Variants in GOT1 observed in about 807,000 individuals in gnomAD.
The protein encoded by GOT1 is aspartate aminotransferase, cytoplasmic.
A neutral mutation model predicts 48.2 loss-of-function variants in GOT1; 25 were observed. That is an observed-to-expected ratio of 0.52 (90% CI 0.38 to 0.72). The LOEUF is 0.72. GOT1 is among the 30% of genes least tolerant of loss of function. The pLI is 0.00. For synonymous variants in GOT1, 188 were observed against 193.8 expected, an observed-to-expected ratio of 0.97 and a Z score of 0.25; for missense variants, 380 against 520.1, an observed-to-expected ratio of 0.73 and a Z score of 2.62.
chr10:99,422,421 G>C (rs2032982517), intron 1 of GOT1, among the ~76,000 whole-genome samples: 1 of 152,134 alleles, frequency 6.6e-6, no homozygotes, highest in African/African-American at 2.4e-5. Flanking sequence ...CAGAGACAAG[G>C]AGTATGAAAA....
chr10:99,398,955 A>G (rs2032634559), intron 8 of GOT1, among the ~76,000 whole-genome samples: 1 of 152,188 alleles, frequency 6.6e-6, no homozygotes, highest in African/African-American at 2.4e-5. Flanking sequence ...TGGGCTGTAC[A>G]CTGCCCCCGT....
intron 1 of GOT1, among the ~76,000 whole-genome samples, chr10:99,421,638 A>G (rs1468458084): frequency 6.6e-6 from 1 of 152,086 alleles, no homozygotes; most frequent in Non-Finnish European, 1.5e-5. Context: ...TCCCTACACT[A>G]TTCTATGATT....
rs2032694121 is a variant in GOT1 at position 99,402,516 on chromosome 10, C to T, written c.1102+64G>A. ...GAAAGTGAGCTCAGCTCAAGGCGAG[C>T]GACTGAAAGGAATGTTGTGTGTCTA... On this transcript the variant is annotated intron_variant, in intron 8 of 8. Coordinates refer to ENST00000370508, the MANE Select transcript of GOT1 (RefSeq NM_002079.3). The T allele has an allele frequency of 5.1e-6, 8 of 1,555,558 alleles. No homozygotes were observed. The African/African-American group carries it at 5.4e-5, about 11-fold the overall frequency.
intron 1 of GOT1, among the ~76,000 whole-genome samples, chr10:99,421,912 G>A (rs564428503): frequency 6.6e-6 from 1 of 152,198 alleles, no homozygotes; most frequent in Non-Finnish European, 1.5e-5. Context: ...ACCATTTACT[G>A]AACAACACGT....
At chr10:99,420,033 G>A (rs1408855375) in intron 2 of GOT1, among the ~76,000 whole-genome samples, 4 of 152,198 alleles carry the variant, frequency 2.6e-5, no homozygotes, top group Admixed American at 2.6e-4. Flanking sequence ...AAGAATATTA[G>A]AACTGGCAGG....
At chr10:99,401,067 G>A (rs1017362898) in intron 8 of GOT1, among the ~76,000 whole-genome samples, 7 of 152,240 alleles carry the variant, frequency 4.6e-5, no homozygotes, top group Middle Eastern at 3.4e-3. Context: ...TTTCCAATTC[G>A]TGATATTAAT....
At position 99,403,589 on chromosome 10, in the gene GOT1, C is replaced by CT; in HGVS notation, c.838dup (p.Ser280LysfsTer34). 6.2e-7 allele frequency: 1 copy of CT among 1,614,112 alleles called. No homozygotes were observed. The stretch of plus-strand genomic sequence containing the variant: ...CATCTGGGAAAGGACTTGCAGGATG[C>CT]TCTCAGGTTCTTTTCCAACCACAGT... On this transcript the variant is annotated frameshift_variant, in exon 7 of 9. Transcript: ENST00000370508. LOFTEE classifies it high-confidence loss of function.
chr10:99,419,982 C>A (rs996388210), intron 2 of GOT1, among the ~76,000 whole-genome samples: 3 of 152,142 alleles, frequency 2.0e-5, no homozygotes, highest in African/African-American at 4.8e-5. Context: ...TACCAGGAAG[C>A]ACTTAAATGA....
intron 8 of GOT1, among the ~76,000 whole-genome samples, chr10:99,399,306 A>C (rs1049022085): frequency 6.6e-6 from 1 of 152,272 alleles, no homozygotes; most frequent in South Asian, 2.1e-4. Flanking sequence ...TATCTACATA[A>C]TATAACAAGA....
rs187444860 is a variant in GOT1 at position 99,414,654 on chromosome 10, C to G, written c.300+5970G>C. 2.0e-5 allele frequency among the ~76,000 whole-genome samples: 3 copies of G among 152,338 alleles called. No homozygotes were observed. In the East Asian group the frequency reaches 5.8e-4, roughly 29 times the overall value. ...AGAATATACATTCTTCTCAGCACCA[C>G]ACCACACTTATTTCAAAATTGACCA... On this transcript the variant is annotated intron_variant, in intron 2 of 8. Transcript: ENST00000370508.
At position 99,420,796 on chromosome 10, in the gene GOT1, G is replaced by A. The variant is rs377247241; in HGVS notation, c.128C>T (p.Thr43Met). 4.0e-5 allele frequency: 64 copies of A among 1,612,976 alleles called. No individual in the cohort carries two copies. Among genetic ancestry groups the A allele is most frequent in the Admixed American group, 1.2e-4 (7 of 59,970 alleles). The change falls in exon 2 of 9, where the codon ACG becomes ATG. Residue 43 changes from threonine (T) to methionine (M), a missense_variant. By Grantham distance (81) the Thr-to-Met change is moderately conservative. Transcript: ENST00000370508. ...CAAAACCCAGGGATGGCAGTCATCCGTGCGATATGCTGGAGAATGGAAAAG... is the reference window on the plus strand; with the variant it reads ...CAAAACCCAGGGATGGCAGTCATCCATGCGATATGCTGGAGAATGGAAAAG... ...KVNLGVGAYR[T>M]DDCHPWVLPV...
intron 1 of GOT1, among the ~76,000 whole-genome samples, chr10:99,427,257 TTTTATTTATTTA>T (rs567523650): frequency 1.3e-5 from 2 of 151,978 alleles, no homozygotes; most frequent in Non-Finnish European, 2.9e-5. Context: ...GTAGAATCTT[TTTTATTTATTTA>T]TTTATTTATT....
chr10:99,422,859 G>A (rs1290991205), intron 1 of GOT1, among the ~76,000 whole-genome samples: 1 of 152,202 alleles, frequency 6.6e-6, no homozygotes, highest in African/African-American at 2.4e-5. Flanking sequence ...CTGCTTAGCT[G>A]ATGAATGTAC....
intron 5 of GOT1, 117 bp from the exon 6 acceptor site, chr10:99,403,991 A>G: frequency 3.2e-6 from 3 of 923,908 alleles, no homozygotes; most frequent in Non-Finnish European, 5.0e-6. Flanking sequence ...CATTTCTCCT[A>G]TTTCTTGACT....
At chr10:99,404,658 C>T (rs956817987) in intron 5 of GOT1, among the ~76,000 whole-genome samples, 1 of 152,170 alleles carries the variant, frequency 6.6e-6, no homozygotes, top group African/African-American at 2.4e-5. Context: ...CTCTCTCTGA[C>T]CCATTCCCTG....
At chr10:99,430,170 G>T in intron 1 of GOT1, 2 of 773,304 alleles carry the variant, frequency 2.6e-6, no homozygotes, top group Non-Finnish European at 4.2e-6. Flanking sequence ...GCAGTATAAA[G>T]AAGGCAGAAT....
At chr10:99,406,090 A>T in intron 4 of GOT1, 47 bp downstream of exon 4, 1 of 1,294,516 alleles carries the variant, frequency 7.7e-7, no homozygotes, top group Non-Finnish European at 1.1e-6. Flanking sequence ...TTTGCCTGAG[A>T]TTCCTGACAC....
Position 99,430,440 on chromosome 10 carries a change from A to G in GOT1, c.118+8T>C. ...AGCTGCTCACACTCCAGAGCACTAC[A>G]TCCTTACCTCCCACTCCCAGGTTGA... On this transcript the variant is annotated splice_region_variant and intron_variant, in intron 1 of 8. Coordinates refer to ENST00000370508, the MANE Select transcript of GOT1 (RefSeq NM_002079.3). The G allele has an allele frequency of 2.5e-6, 4 of 1,605,322 alleles. No individual in the cohort carries two copies. The Admixed American group carries it at 5.1e-5, about 20-fold the overall frequency.
chr10:99,416,026 G>C (rs922268572), intron 2 of GOT1, among the ~76,000 whole-genome samples: 1 of 152,026 alleles, frequency 6.6e-6, no homozygotes, highest in South Asian at 2.1e-4. Flanking sequence ...CTTTGAAAAC[G>C]GGCACAAGAC....
Sources: gnomAD v4.1 joint callset for allele counts (sites outside exome capture counted in the v4.1 genomes callset) on GRCh38, gnomAD v4.1.1 for gene constraint, MANE v1.5 for transcripts, NCBI Gene and HGNC (gene_info 2026-07-23, HGNC 2026-07-21) for gene names.